IL34: variants seen among roughly 807,000 people sequenced by gnomAD.
IL34 encodes interleukin 34.
IL34 carries 17 observed loss-of-function variants against 25.3 expected under a neutral mutation model. The ratio of observed to expected loss-of-function variants is 0.67; its 90% CI spans 0.46 to 1.01. IL34 has a LOEUF of 1.01. IL34 is among the 50% of genes least tolerant of loss of function. The pLI is 0.00. For missense variants in IL34, 368 were observed against 312.9 expected, an observed-to-expected ratio of 1.18 and a Z score of -1.33; for synonymous variants, 174 against 140.9, an observed-to-expected ratio of 1.23 and a Z score of -1.66.
chr16:70,653,038 C>G (rs1042823774), intron 1 of IL34, among the ~76,000 whole-genome samples: 7 of 152,060 alleles, frequency 4.6e-5, no homozygotes, highest in African/African-American at 1.4e-4. Flanking sequence ...AACCCCATCT[C>G]TACTAAAAAT....
At chr16:70,636,276 T>G (rs2051640925) in intron 1 of IL34, among the ~76,000 whole-genome samples, 1 of 152,000 alleles carries the variant, frequency 6.6e-6, no homozygotes. Flanking sequence ...CCTCAAGTGA[T>G]CCCCCTGCCT....
intron 1 of IL34, among the ~76,000 whole-genome samples, chr16:70,651,181 T>TG (rs1042373991): frequency 8.7e-5 from 13 of 149,872 alleles, no homozygotes; most frequent in Non-Finnish European, 1.6e-4. Context: ...GGCGTGGTGA[T>TG]GGGGGGGAGA....
At chr16:70,596,154 T>C (rs1216806935) in intron 1 of IL34, among the ~76,000 whole-genome samples, 1 of 152,136 alleles carries the variant, frequency 6.6e-6, no homozygotes, top group African/African-American at 2.4e-5. Context: ...GGCTGTCTTT[T>C]CCCTGTAGCC....
rs530398063 is a variant in IL34 at position 70,621,738 on chromosome 16, G to C, written c.-400-24810G>C. The stretch of plus-strand genomic sequence containing the variant: ...AGTGAAGGGAGATAAGGGTGGGGCC[G>C]TTTTATAGGATTTGGGTAGGTAAAG... On this transcript the variant is annotated intron_variant, in intron 1 of 6. Coordinates refer to the IL34 transcript ENST00000429149. Among the ~76,000 whole-genome samples, 11 of 152,222 alleles carry C rather than the reference G, an allele frequency of 7.2e-5. 1 individual carries two copies. The highest frequency in any genetic ancestry group is 6.5e-4 in the Admixed American group (10 of 15,288).
chr16:70,625,302 C>T lies in IL34; in HGVS notation c.-400-21246C>T, dbSNP rs971061455. Among the ~76,000 whole-genome samples, 15 of 144,418 alleles carry T rather than the reference C, an allele frequency of 1.0e-4. No individual in the cohort carries two copies. The South Asian group carries it at 2.3e-3, about 22-fold the overall frequency. The allele number at this position is 144,418 out of a possible 152,430, so 94.7% of individuals were successfully genotyped here. ...CATAGAGATATGGAGGGAAGGGGTT[C>T]GGGGGTTCTTACCCTCCAGAAAAGT... On this transcript the variant is annotated intron_variant, in intron 1 of 6. Transcript: ENST00000429149.
chr16:70,632,117 A>AG (rs1555504794), intron 1 of IL34, among the ~76,000 whole-genome samples: 1,601 of 143,444 alleles, frequency 0.011, 16 homozygotes, highest in Middle Eastern at 0.041. Flanking sequence ...AAAAAAAAAA[A>AG]AAGAGAAGAT....
In IL34 at chr16:70,626,238, T is replaced by C. The variant is rs921427746; in HGVS notation, c.-400-20310T>C. Among the ~76,000 whole-genome samples the C allele has an allele frequency of 5.9e-5, 9 of 152,218 alleles. No individual in the cohort carries two copies. The East Asian group carries it at 1.5e-3, about 26-fold the overall frequency. On this transcript the variant is annotated intron_variant, in intron 1 of 6. Transcript: ENST00000429149. ...TTGATATAAATTGCATTCAGTTTAG[T>C]GTGTCTCTTTTATTTTATTAATTTT... is the stretch of plus-strand genomic sequence containing the variant.
At chr16:70,610,961 T>G (rs1374206814) in intron 1 of IL34, among the ~76,000 whole-genome samples, 1 of 128,376 alleles carries the variant, frequency 7.8e-6, no homozygotes, top group East Asian at 2.5e-4. Context: ...TTTGGGGGCT[T>G]CTTCTTTCTT....
At chr16:70,620,683 G>A (rs1347279631) in intron 1 of IL34, among the ~76,000 whole-genome samples, 1 of 152,068 alleles carries the variant, frequency 6.6e-6, no homozygotes, top group Non-Finnish European at 1.5e-5. Flanking sequence ...CTGGACGTCA[G>A]GCACCTCAGA....
chr16:70,629,744 A>T (rs1307928417), intron 1 of IL34, among the ~76,000 whole-genome samples: 1 of 151,584 alleles, frequency 6.6e-6, no homozygotes, highest in Non-Finnish European at 1.5e-5. Flanking sequence ...TACATAGTAG[A>T]TATATATATT....
intron 1 of IL34, among the ~76,000 whole-genome samples, chr16:70,605,912 T>C (rs2050995669): frequency 1.3e-5 from 2 of 150,846 alleles, no homozygotes; most frequent in African/African-American, 4.9e-5. Context: ...CCTCAGGTGA[T>C]CCACCTGCCT....
chr16:70,652,114 C>T (rs757010021), intron 1 of IL34, among the ~76,000 whole-genome samples: 3 of 148,578 alleles, frequency 2.0e-5, no homozygotes, highest in South Asian at 2.1e-4. Context: ...GGTGACAGAG[C>T]GGGACTCCGT....
chr16:70,648,184 G>A (rs2051988196), intron 1 of IL34, among the ~76,000 whole-genome samples: 1 of 152,202 alleles, frequency 6.6e-6, no homozygotes, highest in Non-Finnish European at 1.5e-5. Context: ...GATCAGTCTG[G>A]TGGTGTTTGT....
intron 1 of IL34, among the ~76,000 whole-genome samples, chr16:70,653,038 C>T (rs1042823774): frequency 2.0e-5 from 3 of 152,060 alleles, no homozygotes; most frequent in African/African-American, 7.2e-5. Context: ...AACCCCATCT[C>T]TACTAAAAAT....
At chr16:70,597,475 T>A (rs2050840488) in intron 1 of IL34, among the ~76,000 whole-genome samples, 1 of 152,022 alleles carries the variant, frequency 6.6e-6, no homozygotes, top group South Asian at 2.1e-4. Context: ...TCTGCCTTGG[T>A]CTCCCAAAGT....
At chr16:70,634,416 A>G (rs2151854376) in intron 1 of IL34, among the ~76,000 whole-genome samples, 1 of 152,190 alleles carries the variant, frequency 6.6e-6, no homozygotes, top group African/African-American at 2.4e-5. Flanking sequence ...GCAGTGGCTC[A>G]TGCCTGTAAT....
At chr16:70,648,961 C>G (rs2052011928) in intron 1 of IL34, among the ~76,000 whole-genome samples, 1 of 152,144 alleles carries the variant, frequency 6.6e-6, no homozygotes, top group Admixed American at 6.5e-5. Context: ...CTTTGCGTGG[C>G]CTTTCCCTTT....
intron 1 of IL34, among the ~76,000 whole-genome samples, chr16:70,615,318 C>G (rs1384735706): frequency 6.6e-6 from 1 of 151,978 alleles, no homozygotes; most frequent in Non-Finnish European, 1.5e-5. Context: ...ACCATTCTGG[C>G]TAACATGGTG....
chr16:70,646,728 C>T lies in IL34; in HGVS notation c.-220C>T, dbSNP rs781329723. ...GGGCTGCCATGGGACTTGCGGCCAC[C>T]GCCCCCCGGCTGTCCTCCACGCTGC... On this transcript the variant is annotated 5_prime_UTR_variant, in exon 1 of 6. Transcript: ENST00000288098. 1.8e-4 allele frequency: 89 copies of T among 485,758 alleles called. 3 individuals are homozygous for T. The South Asian group carries it at 2.1e-3, about 12-fold the overall frequency. 30.1% of individuals were successfully genotyped at this position (485,758 alleles called of 1,614,324 possible).
Sources: gnomAD v4.1 joint callset for allele counts (sites outside exome capture counted in the v4.1 genomes callset) on GRCh38, gnomAD v4.1.1 for gene constraint, MANE v1.5 for transcripts, NCBI Gene and HGNC (gene_info 2026-07-23, HGNC 2026-07-21) for gene names.